CNTN3: variants seen among roughly 807,000 people sequenced by gnomAD.
CNTN3 encodes the protein contactin-3.
Under a neutral mutation model 119.1 loss-of-function variants are expected in CNTN3, and 60 were observed. That is an observed-to-expected ratio of 0.50 (90% CI 0.41 to 0.62). The LOEUF (loss-of-function observed/expected upper bound fraction) is 0.62, where lower values mean the gene tolerates loss of function less well. Among genes scored for constraint, CNTN3 ranks in the 20% least tolerant of loss-of-function variants. CNTN3 has a pLI of 0.00. For synonymous variants in CNTN3, 450 were observed against 438.7 expected (o/e 1.03, Z -0.32); for missense variants, 1,101 against 1,242.4 (o/e 0.89, Z 1.71).
At chr3:74,316,721 C>G (rs554385500) in intron 13 of CNTN3, among the ~76,000 whole-genome samples, 57 of 151,984 alleles carry the variant, frequency 3.8e-4, no homozygotes, top group African/African-American at 1.4e-3. Flanking sequence ...GTCAGGAGAT[C>G]GAGACCATAC....
chr3:74,370,068 C>A, intron 6 of CNTN3, 77 bp from the exon 7 acceptor site: 1 of 794,420 alleles, frequency 1.3e-6, no homozygotes, highest in South Asian at 1.7e-5. Context: ...ATAAAACTTT[C>A]TTTTGCTCCC....
intron 1 of CNTN3, among the ~76,000 whole-genome samples, chr3:74,584,817 T>C (rs945029276): frequency 6.6e-6 from 1 of 152,136 alleles, no homozygotes; most frequent in Non-Finnish European, 1.5e-5. Flanking sequence ...CTGGGGCTTA[T>C]AGAAATGTCA....
intron 14 of CNTN3, 52 bp downstream of exon 14, chr3:74,302,638 G>T: frequency 1.9e-6 from 2 of 1,062,600 alleles, no homozygotes; most frequent in Non-Finnish European, 2.9e-6. Context: ...CTCCAGTAAG[G>T]AATGCTGTTA....
chr3:74,613,778 G>C (rs1462452933), intron 1 of CNTN3, among the ~76,000 whole-genome samples: 1 of 152,184 alleles, frequency 6.6e-6, no homozygotes, highest in East Asian at 1.9e-4. Context: ...GCTCCTCAGA[G>C]AACACAGAAA....
chr3:74,322,670 T>C (rs992368416), intron 13 of CNTN3, among the ~76,000 whole-genome samples: 40 of 152,188 alleles, frequency 2.6e-4, no homozygotes, highest in African/African-American at 9.2e-4. Context: ...TGAAAACTTA[T>C]GTCCAATAAA....
intron 6 of CNTN3, 27 bp downstream of exon 6, chr3:74,371,169 G>A (rs1157184412): frequency 2.6e-6 from 4 of 1,559,912 alleles, no homozygotes; most frequent in African/African-American, 2.7e-5. Context: ...TTTACGCTCA[G>A]AAGTGCACTT....
chr3:74,503,304 T>C (rs1227437271), intron 2 of CNTN3, among the ~76,000 whole-genome samples: 1 of 152,180 alleles, frequency 6.6e-6, no homozygotes, highest in Non-Finnish European at 1.5e-5. Flanking sequence ...CTGGAGTTAA[T>C]GGCCTATGAG....
chr3:74,313,060 T>C (rs994020600), intron 13 of CNTN3, among the ~76,000 whole-genome samples: 1 of 150,670 alleles, frequency 6.6e-6, no homozygotes, highest in African/African-American at 2.4e-5. Flanking sequence ...TGGATTGGCT[T>C]ATTAATAGAC....
chr3:74,497,247 A>G (rs1048921701), intron 3 of CNTN3, among the ~76,000 whole-genome samples: 2 of 152,042 alleles, frequency 1.3e-5, no homozygotes, highest in African/African-American at 4.8e-5. Flanking sequence ...AAAAAATAGG[A>G]ATAGGCAAGC....
At chr3:74,589,749 C>T (rs1428297488) in intron 1 of CNTN3, among the ~76,000 whole-genome samples, 1 of 151,272 alleles carries the variant, frequency 6.6e-6, no homozygotes, top group Admixed American at 6.6e-5. Context: ...AAATGTGGCA[C>T]ATATACACCA....
At chr3:74,367,181 T>C (rs1704217066) in intron 8 of CNTN3, among the ~76,000 whole-genome samples, 1 of 152,024 alleles carries the variant, frequency 6.6e-6, no homozygotes, top group Admixed American at 6.6e-5. Flanking sequence ...ACTTAATATA[T>C]TGATGTTAAA....
In CNTN3 at chr3:74,411,220, A is replaced by AG. The variant is rs1701433339; in HGVS notation, c.454+13624_454+13625insC. ...AGAATAACATTTAAAATAGGTAAAA[A>AG]AAAAGTCACTCTATTTGAAGAGAAA... On this transcript the variant is annotated intron_variant, in intron 5 of 22. Coordinates refer to ENST00000263665, the MANE Select transcript of CNTN3 (RefSeq NM_020872.3). 2.0e-5 allele frequency among the ~76,000 whole-genome samples: 3 copies of AG among 152,056 alleles called. No homozygotes were observed. The South Asian group carries it at 6.2e-4, about 32-fold the overall frequency.
At chr3:74,317,747 C>A (rs1359915314) in intron 13 of CNTN3, among the ~76,000 whole-genome samples, 1 of 152,104 alleles carries the variant, frequency 6.6e-6, no homozygotes, top group Non-Finnish European at 1.5e-5. Flanking sequence ...GTAACCCGAC[C>A]TTTCTCTCTG....
chr3:74,336,464 C>T lies in CNTN3; in HGVS notation c.1492+67G>A, dbSNP rs1703398772. 3.3e-6 allele frequency: 5 copies of T among 1,526,772 alleles called. No individual in the cohort carries two copies. The South Asian group carries it at 4.6e-5, about 14-fold the overall frequency. The allele number at this position is 1,526,772 out of a possible 1,614,324, so 94.6% of individuals were successfully genotyped here. ...CTGAACATTGTGAAACACATAGTTACTTTCCTCATAATAATACATCTTACA... is the reference window on the plus strand; with the variant it reads ...CTGAACATTGTGAAACACATAGTTATTTTCCTCATAATAATACATCTTACA... On this transcript the variant is annotated intron_variant, in intron 12 of 22. Transcript: ENST00000263665.
intron 5 of CNTN3, among the ~76,000 whole-genome samples, chr3:74,383,882 AT>A (rs1704683438): frequency 6.6e-6 from 1 of 152,206 alleles, no homozygotes; most frequent in Admixed American, 6.5e-5. Flanking sequence ...GATTTTCGAA[AT>A]TACAGAACAG....
rs181510877 is a variant in CNTN3, at chr3:74,446,417, T to C, written c.359-21477A>G. 3.5e-4 allele frequency among the ~76,000 whole-genome samples: 54 copies of C among 152,264 alleles called. No individual in the cohort carries two copies. The East Asian group carries it at 9.3e-3, about 26-fold the overall frequency. ...GCTTACAATATAATTCGTGTGTGTG[T>C]GTGTAGAAAGGAGAAACTCTTTTAC... On this transcript the variant is annotated intron_variant, in intron 4 of 22. Transcript: ENST00000263665.
chr3:74,578,593 C>T (rs540934617), intron 1 of CNTN3, among the ~76,000 whole-genome samples: 3 of 152,106 alleles, frequency 2.0e-5, no homozygotes, highest in South Asian at 4.1e-4. Flanking sequence ...TTATAGTGGG[C>T]TAAAGAGGCA....
intron 3 of CNTN3, among the ~76,000 whole-genome samples, chr3:74,489,453 TC>T (rs1309795590): frequency 2.7e-5 from 2 of 74,370 alleles, no homozygotes; most frequent in Non-Finnish European, 4.4e-5. Context: ...CTTCCCTTCC[TC>T]CCTTCCTCCC....
chr3:74,470,027 C>G (rs1460887154), intron 4 of CNTN3, among the ~76,000 whole-genome samples: 4 of 152,094 alleles, frequency 2.6e-5, no homozygotes, highest in Admixed American at 2.0e-4. Context: ...CGGCAATAAA[C>G]AGGAACGAAG....
Sources: allele counts gnomAD v4.1 joint callset (sites outside exome capture counted in the v4.1 genomes callset), GRCh38; gene constraint gnomAD v4.1.1; transcripts MANE v1.5; gene names NCBI Gene and HGNC (gene_info 2026-07-23, HGNC 2026-07-21).